Variants in ATAD2B observed in about 807,000 individuals in gnomAD.
ATAD2B encodes ATPase family AAA domain containing 2B.
In ATAD2B, 40 loss-of-function variants were observed where a neutral mutation model predicts 167.6. The observed-to-expected ratio is 0.24, with a 90% confidence interval of 0.19 to 0.31. The LOEUF (loss-of-function observed/expected upper bound fraction) is 0.31. ATAD2B is among the 10% of genes least tolerant of loss of function. ATAD2B has a pLI of 1.00. For synonymous variants in ATAD2B, 579 were observed against 596.5 expected (o/e 0.97, Z 0.43); for missense variants, 1,242 against 1,757.2 (o/e 0.71, Z 5.24).
intron 14 of ATAD2B, among the ~76,000 whole-genome samples, chr2:23,833,131 A>T (rs894844542): frequency 6.6e-6 from 1 of 152,144 alleles, no homozygotes; most frequent in Non-Finnish European, 1.5e-5. Flanking sequence ...AAACTGAGGT[A>T]TGAACTGCTC....
chr2:23,923,168 T>G (rs1377138740), intron 1 of ATAD2B, among the ~76,000 whole-genome samples: 1 of 152,218 alleles, frequency 6.6e-6, no homozygotes, highest in Non-Finnish European at 1.5e-5. Flanking sequence ...AGTGGAATAC[T>G]ATTAAGCCTA....
intron 4 of ATAD2B, among the ~76,000 whole-genome samples, chr2:23,886,741 C>T (rs1386325987): frequency 6.7e-6 from 1 of 148,434 alleles, no homozygotes; most frequent in Non-Finnish European, 1.5e-5. Flanking sequence ...ACCATCCTGG[C>T]TAACACGGTG....
intron 8 of ATAD2B, chr2:23,872,915 C>T: frequency 1.3e-6 from 1 of 771,014 alleles, no homozygotes; most frequent in Non-Finnish European, 2.4e-6. Context: ...TCCTTATGGC[C>T]CGCCGGGCTC....
At chr2:23,924,494 T>C (rs1212435083) in intron 1 of ATAD2B, among the ~76,000 whole-genome samples, 1 of 152,294 alleles carries the variant, frequency 6.6e-6, no homozygotes, top group East Asian at 1.9e-4. Context: ...CATAAATATA[T>C]AGTCCATAAA....
Position 23,767,972 on chromosome 2 carries a change from C to T in ATAD2B, c.3134-2344G>A, listed in dbSNP as rs184259876. 4.5e-3 allele frequency among the ~76,000 whole-genome samples: 680 copies of T among 151,558 alleles called. 2 individuals are homozygous for T. Among genetic ancestry groups the T allele is most frequent in the Admixed American group, 7.6e-3 (115 of 15,222 alleles). On this transcript the variant is annotated intron_variant, in intron 22 of 27. Coordinates refer to ENST00000238789, the MANE Select transcript of ATAD2B (RefSeq NM_017552.4). ...AGTTAGAGAGTAATCTCAAAGAGTTCAGCTTCAGGCATTTCAGTTTGGAGA... is the reference window on the plus strand; with the variant it reads ...AGTTAGAGAGTAATCTCAAAGAGTTTAGCTTCAGGCATTTCAGTTTGGAGA...
intron 13 of ATAD2B, among the ~76,000 whole-genome samples, chr2:23,836,315 C>T (rs1025892258): frequency 1.2e-4 from 19 of 152,174 alleles, no homozygotes; most frequent in Non-Finnish European, 2.2e-4. Flanking sequence ...ACGGCTGCCA[C>T]TGGGGAACGT....
intron 18 of ATAD2B, among the ~76,000 whole-genome samples, chr2:23,808,205 A>AT (rs1278383567): frequency 0.12 from 16,137 of 136,388 alleles, 1,045 homozygotes; most frequent in Middle Eastern, 0.21. Flanking sequence ...ATTTATATAA[A>AT]AATATATATA....
At chr2:23,885,586 TA>T in intron 5 of ATAD2B, 140 bp downstream of exon 5, 1 of 539,860 alleles carries the variant, frequency 1.9e-6, no homozygotes, top group South Asian at 2.4e-5. Context: ...AAGCAAGCAA[TA>T]AAATCCCAAA....
At chr2:23,683,561 G>C in the ATAD2B span, among the ~76,000 whole-genome samples, 1 of 152,220 alleles carries the variant, frequency 6.6e-6, no homozygotes, top group African/African-American at 2.4e-5. Context: ...GACATCCCCA[G>C]GTCTGGAGCC....
chr2:23,867,667 C>T (rs879658172), intron 10 of ATAD2B, among the ~76,000 whole-genome samples, 168 bp downstream of exon 10: 8 of 152,312 alleles, frequency 5.3e-5, no homozygotes, highest in Non-Finnish European at 7.3e-5. Flanking sequence ...ATGAAAATAT[C>T]TGACTAAGCA....
chr2:23,844,853 G>A (rs1558647108), intron 13 of ATAD2B, among the ~76,000 whole-genome samples: 1 of 151,790 alleles, frequency 6.6e-6, no homozygotes, highest in Non-Finnish European at 1.5e-5. Flanking sequence ...AATTTTACAA[G>A]TTTGATGAAA....
At position 23,833,987 on chromosome 2, in the gene ATAD2B, TAG is replaced by T. The variant is rs938901319; in HGVS notation, c.1658_1659del (p.Ser553TyrfsTer12). ...CCAGGTCTCCTGAGTGCAGGATCTA[TAG>T]AGTCAAGTCTGTTTGTAGCACCAAT... ...VVIGATNRLD[S>X]IDPALRRPGR... On this transcript the variant is annotated frameshift_variant, in exon 14 of 28. Coordinates refer to ENST00000238789, the MANE Select transcript of ATAD2B (RefSeq NM_017552.4). LOFTEE classifies it high-confidence loss of function. 1 of 1,613,378 alleles carries T rather than the reference TAG, an allele frequency of 6.2e-7. No individual in the cohort carries two copies. Among genetic ancestry groups the T allele is most frequent in the Non-Finnish European group, 8.5e-7 (1 of 1,179,638 alleles).
At chr2:23,833,359 G>C (rs1171889930) in intron 14 of ATAD2B, among the ~76,000 whole-genome samples, 3 of 143,216 alleles carry the variant, frequency 2.1e-5, no homozygotes, top group Non-Finnish European at 4.5e-5. Flanking sequence ...GTCAAACCAA[G>C]AATAATATTA....
chr2:23,797,222 C>CT (rs1373554778), intron 19 of ATAD2B, among the ~76,000 whole-genome samples: 2 of 152,050 alleles, frequency 1.3e-5, no homozygotes. Context: ...ATCATTCCTA[C>CT]TTTGTCTCCT....
chr2:23,754,326 G>A lies in ATAD2B; in HGVS notation c.4207-19C>T, dbSNP rs1038081551. 1 of 1,533,360 alleles carries A rather than the reference G, an allele frequency of 6.5e-7. No homozygotes were observed. Among genetic ancestry groups the A allele is most frequent in the African/African-American group, 1.4e-5 (1 of 71,812 alleles). The allele number at this position is 1,533,360 out of a possible 1,614,324, so 95.0% of individuals were successfully genotyped here. On this transcript the variant is annotated intron_variant, in intron 26 of 27. Coordinates refer to ENST00000238789, the MANE Select transcript of ATAD2B (RefSeq NM_017552.4). ...GCAATTTCTAAGAAAAAACAGAAAA[G>A]AATAAAATGTAATTTGATTTCACTG...
chr2:23,738,357 G>C, the ATAD2B span, among the ~76,000 whole-genome samples: 36 of 152,224 alleles, frequency 2.4e-4, no homozygotes, highest in African/African-American at 3.9e-4. Context: ...TCTCTCTGCA[G>C]AAACTCTACC....
At chr2:23,745,130 T>C (rs1674760858), downstream of ATAD2B, among the ~76,000 whole-genome samples, 1 of 151,636 alleles carries the variant, frequency 6.6e-6, no homozygotes, top group African/African-American at 2.4e-5. Flanking sequence ...CTACAAAAAG[T>C]ACAAAAATTA....
chr2:23,783,195 G>A (rs72780188), intron 21 of ATAD2B, among the ~76,000 whole-genome samples, 167 bp from the exon 22 acceptor site: 18,174 of 151,376 alleles, frequency 0.12, 1,165 homozygotes, highest in Middle Eastern at 0.22. Context: ...GTTACTATCT[G>A]TCATACTTTC....
chr2:23,924,543 G>C (rs1488165529), intron 1 of ATAD2B, among the ~76,000 whole-genome samples: 1 of 152,134 alleles, frequency 6.6e-6, no homozygotes, highest in African/African-American at 2.4e-5. Context: ...CTCTTCTAAA[G>C]GTCCAATCAC....
Sources: gnomAD v4.1 joint callset for allele counts (sites outside exome capture counted in the v4.1 genomes callset) on GRCh38, gnomAD v4.1.1 for gene constraint, MANE v1.5 for transcripts, NCBI Gene and HGNC (gene_info 2026-07-23, HGNC 2026-07-21) for gene names.